The following POU2F2 variants were observed in gnomAD, a reference collection of about 807,000 sequenced individuals.
The protein encoded by POU2F2 is POU class 2 homeobox 2.
In POU2F2, 14 loss-of-function variants were observed where a neutral mutation model predicts 63.5. The observed-to-expected ratio is 0.22, with a 90% CI of 0.15 to 0.34. The LOEUF is 0.34. Ranked by LOEUF, POU2F2 falls within the 10% of genes least tolerant of loss-of-function variation. The pLI is 1.00. For missense variants in POU2F2, 607 were observed against 815.2 expected, an observed-to-expected ratio of 0.74 and a Z score of 3.11; for synonymous variants, 306 against 348.6, an observed-to-expected ratio of 0.88 and a Z score of 1.36.
chr19:42,163,315 A>C (rs2034587622), intron 1 of POU2F2, among the ~76,000 whole-genome samples: 1 of 151,752 alleles, frequency 6.6e-6, no homozygotes, highest in Non-Finnish European at 1.5e-5. Context: ...TGGGCAGAGG[A>C]GGAGGCCCAC....
rs2076576877 is a variant in POU2F2 at position 42,087,164 on chromosome 19, A to T, written c.*4093T>A. The T allele has an allele frequency of 1.4e-5, 2 of 144,780 alleles. No individual in the cohort carries two copies. The highest frequency in any genetic ancestry group is 6.9e-5 in the Admixed American group (1 of 14,564). The allele number at this position is 144,780 out of a possible 1,614,324, so 9.0% of individuals were successfully genotyped here. A position where few individuals can be genotyped will look rare whatever the true frequency, so the allele number is the denominator to read the frequency against. ...TTTTTTTTTTTTTTTAAATGGTTAA[A>T]TCTTTGGTTTGTTTCTTTTTTCTCT... On this transcript the variant is annotated 3_prime_UTR_variant, in exon 15 of 15. Transcript: ENST00000692977.
intron 1 of POU2F2, among the ~76,000 whole-genome samples, chr19:42,184,458 G>A (rs761441970): frequency 2.6e-5 from 4 of 152,124 alleles, no homozygotes; most frequent in Admixed American, 6.5e-5. Context: ...ACATCTCCAA[G>A]AGTTTGTGGG....
At chr19:42,180,917 A>G (rs2034953263), upstream of POU2F2, among the ~76,000 whole-genome samples, 1 of 150,898 alleles carries the variant, frequency 6.6e-6, no homozygotes, top group East Asian at 1.9e-4. Context: ...TTAAGCAGAG[A>G]TGAGGTCTCC....
intron 2 of POU2F2, among the ~76,000 whole-genome samples, chr19:42,140,576 ATCCTTCAAGAC>A (rs967716535): frequency 6.6e-6 from 1 of 151,762 alleles, no homozygotes; most frequent in Non-Finnish European, 1.5e-5. Context: ...CCTTCCTCTC[ATCCTTCAAGAC>A]TCCACTCAAA....
upstream of POU2F2, chr19:42,132,691 G>GC (rs2033854970): frequency 5.2e-6 from 2 of 384,222 alleles, no homozygotes; most frequent in South Asian, 1.0e-4. Flanking sequence ...TGCAACAGTT[G>GC]CCCCCCGACT....
Position 42,095,107 on chromosome 19 carries a change from A to G in POU2F2, c.1197+179T>C, listed in dbSNP as rs1006676311. On this transcript the variant is annotated intron_variant, in intron 11 of 14. Transcript: ENST00000692977. This position sits in a 1 kb window ranked among gnomAD's most constrained non-coding sequence, Gnocchi z 7.1. ...GGGGTGCTTGTATCCCCCATGTAAG[A>G]CCACAGTTCCCTGGAAACCGTCCCT... 2.6e-5 allele frequency among the ~76,000 whole-genome samples: 4 copies of G among 151,994 alleles called. No homozygotes were observed. Among genetic ancestry groups the G allele is most frequent in the African/African-American group, 9.7e-5 (4 of 41,370 alleles).
At chr19:42,091,707 T>A in intron 14 of POU2F2, 116 bp from the exon 15 acceptor site, 5 of 1,550,892 alleles carry the variant, frequency 3.2e-6, no homozygotes, top group Non-Finnish European at 4.4e-6. Context: ...CTGACCCCCA[T>A]CAGCACCCCT....
rs2034463652 is a variant in POU2F2 at position 42,156,760 on chromosome 19, G to GA, written c.-9+3571_-9+3572insT. 6.6e-6 allele frequency: 1 copy of GA among 151,564 alleles called. No homozygotes were observed. The highest frequency in any genetic ancestry group is 2.4e-5 in the African/African-American group (1 of 41,282). The allele number at this position is 151,564 out of a possible 1,614,324, so 9.4% of individuals were successfully genotyped here. A position where few individuals can be genotyped will look rare whatever the true frequency, so the allele number is the denominator to read the frequency against. The stretch of plus-strand genomic sequence containing the variant: ...GGCCTGCGCCTCCCATCCCAGGGCA[G>GA]CCCCCCCGCCATACCTACACTCTTG... On this transcript the variant is annotated intron_variant, in intron 2 of 6. Transcript: ENST00000524801. The surrounding 1 kb of genome is among the most constrained non-coding windows in gnomAD (Gnocchi z 4.1).
At position 42,091,387 on chromosome 19, in the gene POU2F2, G is replaced by A. The variant is rs867751389; in HGVS notation, c.1745C>T (p.Ser582Phe). ...AAAAAVAASI[S>F]SKSPGLSSSS... Reference sequence around the variant, plus strand: ...GGAGGAGAGGCCAGGAGACTTGCTGGAGATGGAGGCTGCCACAGCCGCAGC... The same window carrying A: ...GGAGGAGAGGCCAGGAGACTTGCTGAAGATGGAGGCTGCCACAGCCGCAGC... The change falls in exon 15 of 15, where the codon TCC (serine) becomes TTC (phenylalanine). Residue 582 changes from serine (S) to phenylalanine (F), a missense_variant. By Grantham distance (155) the Ser-to-Phe change is radical (BLOSUM62 -2). Transcript: ENST00000692977. 1 of 1,543,724 alleles carries A rather than the reference G, an allele frequency of 6.5e-7. No individual in the cohort carries two copies.
At chr19:42,190,032 T>C (rs1418685353) in intron 1 of POU2F2, among the ~76,000 whole-genome samples, 1 of 152,204 alleles carries the variant, frequency 6.6e-6, no homozygotes, top group Non-Finnish European at 1.5e-5. Context: ...TGGTGAGTTT[T>C]TTTCTTTTAG....
chr19:42,132,258 GTT>G, intron 1 of POU2F2, 124 bp downstream of exon 1: 2 of 1,081,454 alleles, frequency 1.8e-6, no homozygotes, highest in Non-Finnish European at 2.6e-6. Context: ...GAGAGAGGGA[GTT>G]GCTAGAGTAC....
intron 5 of POU2F2, among the ~76,000 whole-genome samples, chr19:42,112,223 C>A (rs957095835): frequency 1.3e-5 from 2 of 152,128 alleles, no homozygotes; most frequent in Non-Finnish European, 2.9e-5. Context: ...GTACCCACTG[C>A]CCCTTCTTCA....
upstream of POU2F2, among the ~76,000 whole-genome samples, chr19:42,180,635 G>A (rs2034950239): frequency 6.6e-6 from 1 of 152,128 alleles, no homozygotes; most frequent in Non-Finnish European, 1.5e-5. Context: ...GTGGGGTGGG[G>A]GGCGGTCATC....
At position 42,096,349 on chromosome 19, in the gene POU2F2, C is replaced by T. The variant is rs1275914243; in HGVS notation, c.568-106G>A. On this transcript the variant is annotated intron_variant, in intron 7 of 14. Coordinates refer to ENST00000692977, the MANE Select transcript of POU2F2 (RefSeq NM_001394376.1). The surrounding 1 kb of genome is among the most constrained non-coding windows in gnomAD (Gnocchi z 4.1). ...GCCCTCTTCGCCCCTGCGTTCCATC[C>T]GCCGCCTGCAGACTCCCCCCGCCTT... 2.5e-6 allele frequency: 3 copies of T among 1,220,404 alleles called. No individual in the cohort carries two copies. Among genetic ancestry groups the T allele is most frequent in the South Asian group, 3.1e-5 (2 of 64,078 alleles). 75.6% of individuals were successfully genotyped at this position (1,220,404 alleles called of 1,614,324 possible).
rs76602059 is a variant in POU2F2, at chr19:42,152,105, T to C, written c.-9+8227A>G. ...GTCACAATCCACCCATGACACTGCG[T>C]CAGGGCCTCCCATCCACCCAGCCTG... is the stretch of plus-strand genomic sequence containing the variant. On this transcript the variant is annotated intron_variant, in intron 2 of 6. Coordinates refer to the POU2F2 transcript ENST00000524801. The surrounding 1 kb of genome is among the most constrained non-coding windows in gnomAD (Gnocchi z 4.1). Among the ~76,000 whole-genome samples, 15,569 of 152,084 alleles carry C rather than the reference T, an allele frequency of 0.1. 949 individuals carry two copies. Among genetic ancestry groups the C allele is most frequent in the Middle Eastern group, 0.2 (60 of 294 alleles).
intron 4 of POU2F2, among the ~76,000 whole-genome samples, chr19:42,121,731 C>CTCCTGCAT (rs2032631144): frequency 6.6e-6 from 1 of 152,230 alleles, no homozygotes; most frequent in African/African-American, 2.4e-5. Flanking sequence ...CTGTCATTCT[C>CTCCTGCAT]TCCTGCATTC....
At chr19:42,178,131 A>C (rs2034918052), upstream of POU2F2, among the ~76,000 whole-genome samples, 1 of 151,844 alleles carries the variant, frequency 6.6e-6, no homozygotes, top group Admixed American at 6.6e-5. Context: ...ATATAGAGAC[A>C]CAGGAACAGA....
chr19:42,118,333 T>G (rs929162977), intron 4 of POU2F2, among the ~76,000 whole-genome samples: 1 of 152,162 alleles, frequency 6.6e-6, no homozygotes, highest in Non-Finnish European at 1.5e-5. Context: ...GTCAGATGCT[T>G]ACAGAAATGG....
intron 5 of POU2F2, among the ~76,000 whole-genome samples, chr19:42,113,778 G>A (rs2031466514): frequency 6.6e-6 from 1 of 152,188 alleles, no homozygotes; most frequent in Non-Finnish European, 1.5e-5. Flanking sequence ...CAGGATCAGA[G>A]CTTAGCAGGC....
Sources: allele counts gnomAD v4.1 joint callset (sites outside exome capture counted in the v4.1 genomes callset), GRCh38; gene constraint gnomAD v4.1.1; non-coding constraint Gnocchi (gnomAD v3.1); transcripts MANE v1.5; gene names NCBI Gene and HGNC (gene_info 2026-07-23, HGNC 2026-07-21).